Variants in GALNT13 observed in about 807,000 individuals in gnomAD.
GALNT13 encodes UDP-GalNAc:polypeptide N-acetylgalactosaminyltransferase 13.
GALNT13 carries 28 observed loss-of-function variants against 64.2 expected under a neutral mutation model. That is an observed-to-expected ratio of 0.44 (90% CI 0.32 to 0.60). GALNT13 has a LOEUF of 0.60. Ranked by LOEUF, GALNT13 falls within the 20% of genes least tolerant of loss-of-function variation. The pLI is 0.05. For synonymous variants in GALNT13, 214 were observed against 224.6 expected, an observed-to-expected ratio of 0.95 and a Z score of 0.42; for missense variants, 577 against 669.8, an observed-to-expected ratio of 0.86 and a Z score of 1.53.
intron 9 of GALNT13, among the ~76,000 whole-genome samples, chr2:154,354,770 G>A (rs919818596): frequency 2.0e-4 from 31 of 151,812 alleles, no homozygotes; most frequent in East Asian, 3.9e-4. Context: ...CTATTCCACC[G>A]GTCGATGTTT....
chr2:153,892,904 A>T, intron 1 of GALNT13, among the ~76,000 whole-genome samples: 1 of 152,198 alleles, frequency 6.6e-6, no homozygotes. Context: ...AAATTCTTAG[A>T]TAATGTGTAT....
chr2:153,699,576 A>T, the GALNT13 span, among the ~76,000 whole-genome samples: 3 of 152,198 alleles, frequency 2.0e-5, no homozygotes, highest in Non-Finnish European at 4.4e-5. Context: ...AAAAATTAGC[A>T]AAATAGACGG....
the GALNT13 span, among the ~76,000 whole-genome samples, chr2:153,573,262 C>T: frequency 6.6e-6 from 1 of 151,900 alleles, no homozygotes; most frequent in Non-Finnish European, 1.5e-5. Flanking sequence ...TATAGCTACT[C>T]CTGCTCTTTT....
chr2:153,337,150 A>G, the GALNT13 span, among the ~76,000 whole-genome samples: 1 of 152,144 alleles, frequency 6.6e-6, no homozygotes, highest in African/African-American at 2.4e-5. Flanking sequence ...AAGTATTTGA[A>G]ATATGTGGAT....
chr2:153,466,509 C>CAG, the GALNT13 span, among the ~76,000 whole-genome samples: 1 of 151,694 alleles, frequency 6.6e-6, no homozygotes, highest in Non-Finnish European at 1.5e-5. Context: ...GTATTAGGCC[C>CAG]AGAACCCATT....
chr2:153,102,313 T>C, the GALNT13 span, among the ~76,000 whole-genome samples: 1 of 152,158 alleles, frequency 6.6e-6, no homozygotes, highest in Non-Finnish European at 1.5e-5. Flanking sequence ...TTTTCAAATG[T>C]ATTGGCTTTA....
At chr2:153,116,641 A>G in the GALNT13 span, among the ~76,000 whole-genome samples, 3 of 152,276 alleles carry the variant, frequency 2.0e-5, no homozygotes, top group Admixed American at 6.5e-5. Context: ...ATTTGCTGTC[A>G]TTTAGTACAT....
chr2:153,674,493 G>A, the GALNT13 span, among the ~76,000 whole-genome samples: 1 of 152,178 alleles, frequency 6.6e-6, no homozygotes, highest in Non-Finnish European at 1.5e-5. Context: ...AAACTGGCTA[G>A]CCAAATGTAG....
At position 154,201,531 on chromosome 2, in the gene GALNT13, G is replaced by A. The variant is rs79545428; in HGVS notation, c.312-40499G>A. 5.3e-4 allele frequency among the ~76,000 whole-genome samples: 80 copies of A among 152,102 alleles called. 1 individual carries two copies. The East Asian group carries it at 0.014, about 27-fold the overall frequency. ...TCTTACTTTATTTAAAGTGTCATGC[G>A]ATTGGGCCCCTTAGATAACTGTTTC... On this transcript the variant is annotated intron_variant, in intron 4 of 12. Transcript: ENST00000392825.
chr2:153,401,607 C>CATTGG, the GALNT13 span, among the ~76,000 whole-genome samples: 1 of 150,926 alleles, frequency 6.6e-6, no homozygotes, highest in African/African-American at 2.5e-5. Context: ...AATCTGGGTG[C>CATTGG]CCCTGTATTG....
chr2:153,529,118 A>G, the GALNT13 span, among the ~76,000 whole-genome samples: 3 of 151,970 alleles, frequency 2.0e-5, no homozygotes, highest in African/African-American at 4.8e-5. Context: ...CAATACAAAA[A>G]TCACTGAAAC....
chr2:154,374,300 G>A (rs936375170), intron 9 of GALNT13, among the ~76,000 whole-genome samples: 4 of 152,202 alleles, frequency 2.6e-5, no homozygotes, highest in Non-Finnish European at 4.4e-5. Flanking sequence ...TTAATCTGGA[G>A]AAGTTGTGGT....
the GALNT13 span, among the ~76,000 whole-genome samples, chr2:153,816,853 A>AT: frequency 6.6e-6 from 1 of 152,162 alleles, no homozygotes; most frequent in Non-Finnish European, 1.5e-5. Flanking sequence ...GGCCAGCACC[A>AT]ATATATAAGT....
In GALNT13 at chr2:154,133,574, ATATATATAT is replaced by A. The variant is rs1475876043; in HGVS notation, c.143-6762_143-6754del. ...TATATATATATATATATATATATATATATATATATATCTGAGATGGGGAAAACCCACGTT... is the reference window on the plus strand; with the variant it reads ...TATATATATATATATATATATATATAATCTGAGATGGGGAAAACCCACGTT... On this transcript the variant is annotated intron_variant, in intron 3 of 12. Transcript: ENST00000392825. 2.8e-3 allele frequency among the ~76,000 whole-genome samples: 274 copies of A among 99,072 alleles called. 2 individuals are homozygous for A. Among genetic ancestry groups the A allele is most frequent in the African/African-American group, 0.01 (251 of 24,888 alleles). 65.0% of individuals were successfully genotyped at this position (99,072 alleles called of 152,430 possible). A position where few individuals can be genotyped will look rare whatever the true frequency, so the allele number is the denominator to read the frequency against.
chr2:153,228,197 TC>T, the GALNT13 span, among the ~76,000 whole-genome samples: 1 of 152,174 alleles, frequency 6.6e-6, no homozygotes, highest in African/African-American at 2.4e-5. Flanking sequence ...AATTCCGTGC[TC>T]TGATTATTAA....
intron 10 of GALNT13, among the ~76,000 whole-genome samples, chr2:154,402,084 G>A (rs923629772): frequency 4.6e-5 from 7 of 152,162 alleles, no homozygotes; most frequent in Admixed American, 4.6e-4. Context: ...GAAAACAAAT[G>A]AGGTTGACAT....
the GALNT13 span, among the ~76,000 whole-genome samples, chr2:153,860,678 A>G: frequency 3.3e-5 from 5 of 152,216 alleles, no homozygotes; most frequent in Non-Finnish European, 7.3e-5. Flanking sequence ...ACAAAAATAT[A>G]GAACTATATG....
At chr2:153,173,022 C>A in the GALNT13 span, among the ~76,000 whole-genome samples, 2 of 151,960 alleles carry the variant, frequency 1.3e-5, no homozygotes, top group Non-Finnish European at 2.9e-5. Flanking sequence ...ATACTAGTAA[C>A]TTGTATACTA....
the GALNT13 span, among the ~76,000 whole-genome samples, chr2:153,454,279 A>G: frequency 6.6e-6 from 1 of 152,186 alleles, no homozygotes; most frequent in African/African-American, 2.4e-5. Flanking sequence ...GTATATATAT[A>G]TATAGAACTG....
Sources: gnomAD v4.1 joint callset for allele counts (sites outside exome capture counted in the v4.1 genomes callset) on GRCh38, gnomAD v4.1.1 for gene constraint, MANE v1.5 for transcripts, NCBI Gene and HGNC (gene_info 2026-07-23, HGNC 2026-07-21) for gene names.